The following PAPPA2 variants were observed in gnomAD, a reference collection of about 807,000 sequenced individuals.
PAPPA2 encodes the protein pappalysin 2, also known as pappalysin-2.
Under a neutral mutation model 176.4 loss-of-function variants are expected in PAPPA2, and 86 were observed. The ratio of observed to expected loss-of-function variants is 0.49; its 90% CI spans 0.41 to 0.58. PAPPA2 has a LOEUF of 0.58. Among genes scored for constraint, PAPPA2 ranks in the 20% least tolerant of loss-of-function variants. PAPPA2 has a pLI of 0.00. For missense variants in PAPPA2, 2,073 were observed against 2,256.9 expected, an observed-to-expected ratio of 0.92 and a Z score of 1.65; for synonymous variants, 809 against 852.2, an observed-to-expected ratio of 0.95 and a Z score of 0.88.
chr1:176,586,411 C>T (rs1183761535), intron 2 of PAPPA2, among the ~76,000 whole-genome samples: 1 of 151,992 alleles, frequency 6.6e-6, no homozygotes, highest in Non-Finnish European at 1.5e-5. Context: ...GTTTCCTGCA[C>T]CTATTGACCC....
intron 3 of PAPPA2, among the ~76,000 whole-genome samples, chr1:176,599,616 TTAATA>T (rs1375466434): frequency 1.3e-5 from 2 of 151,734 alleles, no homozygotes; most frequent in Non-Finnish European, 2.9e-5. Context: ...TTGATTATTT[TTAATA>T]TAATCTTAAA....
intron 21 of PAPPA2, among the ~76,000 whole-genome samples, chr1:176,812,125 C>T (rs1025506368): frequency 6.6e-6 from 1 of 151,990 alleles, no homozygotes; most frequent in African/African-American, 2.4e-5. Flanking sequence ...GCCACTTTCT[C>T]ACTCTGTTAA....
intron 21 of PAPPA2, among the ~76,000 whole-genome samples, chr1:176,815,342 A>G (rs1666330398): frequency 6.6e-6 from 1 of 152,124 alleles, no homozygotes; most frequent in South Asian, 2.1e-4. Flanking sequence ...TATAAAAGTG[A>G]TACATGTACC....
chr1:176,568,903 G>A (rs186194063), intron 2 of PAPPA2, among the ~76,000 whole-genome samples: 43 of 152,258 alleles, frequency 2.8e-4, no homozygotes, highest in African/African-American at 9.9e-4. Flanking sequence ...ACAAAGCAGC[G>A]CAAGTCACTT....
intron 12 of PAPPA2, among the ~76,000 whole-genome samples, chr1:176,728,574 C>T (rs78902061): frequency 3.5e-4 from 53 of 151,986 alleles, no homozygotes; most frequent in African/African-American, 9.4e-4. Flanking sequence ...CAATATCATA[C>T]GAATGCTGAT....
At chr1:176,639,458 A>T (rs900579400) in intron 3 of PAPPA2, among the ~76,000 whole-genome samples, 1 of 152,030 alleles carries the variant, frequency 6.6e-6, no homozygotes, top group Non-Finnish European at 1.5e-5. Context: ...TGGCTTTTTT[A>T]TTCTTTAAAA....
intron 17 of PAPPA2, among the ~76,000 whole-genome samples, chr1:176,782,639 T>A (rs185345913): frequency 1.1e-4 from 17 of 152,158 alleles, no homozygotes; most frequent in African/African-American, 4.1e-4. Context: ...GTTGGTGAAG[T>A]GTATTAAGGA....
chr1:176,805,264 T>G (rs72718615), intron 21 of PAPPA2, among the ~76,000 whole-genome samples: 18,638 of 152,234 alleles, frequency 0.12, 1,509 homozygotes, highest in Middle Eastern at 0.22. Flanking sequence ...TAGAACTGAT[T>G]AGTTTTCTTC....
At chr1:176,468,460 G>C (rs1558387314) in intron 1 of PAPPA2, among the ~76,000 whole-genome samples, 3 of 152,142 alleles carry the variant, frequency 2.0e-5, no homozygotes, top group Admixed American at 6.5e-5. Flanking sequence ...TACCTTTCCA[G>C]GTATATGGTC....
chr1:176,532,862 C>T (rs997735828), intron 1 of PAPPA2, among the ~76,000 whole-genome samples: 2 of 152,194 alleles, frequency 1.3e-5, no homozygotes, highest in African/African-American at 4.8e-5. Context: ...AGTATAATCA[C>T]TCAATTCCAC....
At chr1:176,626,421 C>T (rs1365548497) in intron 3 of PAPPA2, among the ~76,000 whole-genome samples, 1 of 152,122 alleles carries the variant, frequency 6.6e-6, no homozygotes, top group Non-Finnish European at 1.5e-5. Flanking sequence ...TTTTTTTAAA[C>T]ATCTCTGTTG....
intron 2 of PAPPA2, among the ~76,000 whole-genome samples, chr1:176,570,297 G>T (rs943188567): frequency 6.6e-6 from 1 of 152,144 alleles, no homozygotes; most frequent in African/African-American, 2.4e-5. Context: ...TCTCTTTTGG[G>T]GGGGTGAAAT....
At chr1:176,638,933 C>CGT (rs1558489541) in intron 3 of PAPPA2, among the ~76,000 whole-genome samples, 16 of 127,404 alleles carry the variant, frequency 1.3e-4, no homozygotes, top group African/African-American at 4.1e-4. Context: ...TGTGCATGTG[C>CGT]ATGTGCGTGT....
At chr1:176,830,056 C>T (rs1421041371) in intron 21 of PAPPA2, among the ~76,000 whole-genome samples, 1 of 152,066 alleles carries the variant, frequency 6.6e-6, no homozygotes, top group East Asian at 1.9e-4. Flanking sequence ...AAACAAATAC[C>T]TGGGAGGCAA....
intron 14 of PAPPA2, among the ~76,000 whole-genome samples, chr1:176,754,624 G>C (rs1300215917): frequency 6.6e-6 from 1 of 152,156 alleles, no homozygotes; most frequent in Non-Finnish European, 1.5e-5. Context: ...AAGTTTTAGG[G>C]AACAAGAGAA....
At chr1:176,546,094 G>C (rs1005226467) in intron 1 of PAPPA2, among the ~76,000 whole-genome samples, 1 of 152,164 alleles carries the variant, frequency 6.6e-6, no homozygotes, top group African/African-American at 2.4e-5. Context: ...TTGTACTGTA[G>C]AGTAACATGC....
At chr1:176,481,311 C>G (rs1652391083) in intron 1 of PAPPA2, among the ~76,000 whole-genome samples, 2 of 148,410 alleles carry the variant, frequency 1.3e-5, no homozygotes, top group Admixed American at 1.4e-4. Context: ...GACAAAGCAC[C>G]TTTTTGGCAA....
intron 1 of PAPPA2, among the ~76,000 whole-genome samples, chr1:176,474,297 A>G (rs1166540828): frequency 6.6e-6 from 1 of 152,082 alleles, no homozygotes; most frequent in Non-Finnish European, 1.5e-5. Context: ...TTTTTTGATT[A>G]TTACTATCTG....
chr1:176,662,300 A>G (rs1324447743), intron 3 of PAPPA2, among the ~76,000 whole-genome samples: 3 of 152,176 alleles, frequency 2.0e-5, no homozygotes, highest in Non-Finnish European at 4.4e-5. Flanking sequence ...GAAAATATAT[A>G]CAAAGCATCT....
Sources: gnomAD v4.1 joint callset for allele counts (sites outside exome capture counted in the v4.1 genomes callset) on GRCh38, gnomAD v4.1.1 for gene constraint, MANE v1.5 for transcripts, NCBI Gene and HGNC (gene_info 2026-07-23, HGNC 2026-07-21) for gene names.